The following ANXA8L1 variants were observed in gnomAD, a reference collection of about 807,000 sequenced individuals.
The protein encoded by ANXA8L1 is annexin A8 like 1, also known as annexin A8-like protein 1.
In ANXA8L1, 10 loss-of-function variants were observed where a neutral mutation model predicts 22.5. That is an observed-to-expected ratio of 0.44 (90% confidence interval 0.27 to 0.75). ANXA8L1 has a LOEUF of 0.75. Among genes scored for constraint, ANXA8L1 ranks in the 30% least tolerant of loss-of-function variants. The pLI is 0.15. For synonymous variants in ANXA8L1, 36 were observed against 86.0 expected, an observed-to-expected ratio of 0.42 and a Z score of 3.22; for missense variants, 88 against 219.6, an observed-to-expected ratio of 0.40 and a Z score of 3.79.
chr10:46,388,715 TG>T (rs1840040735), intron 11 of ANXA8L1, among the ~76,000 whole-genome samples, 200 bp downstream of exon 11: 1 of 137,218 alleles, frequency 7.3e-6, no homozygotes, highest in African/African-American at 2.7e-5. Context: ...AGAGGGGAGA[TG>T]CAGAGACCAG....
At chr10:46,377,232 G>A (rs1407239747) in intron 1 of ANXA8L1, among the ~76,000 whole-genome samples, 3 of 105,506 alleles carry the variant, frequency 2.8e-5, no homozygotes, top group African/African-American at 1.0e-4. Context: ...AGGCAGTCTG[G>A]CACTGGGCCT....
Position 46,376,005 on chromosome 10 carries a change from G to C in ANXA8L1, c.21+133G>C. The C allele has an allele frequency of 9.2e-6, 11 of 1,200,482 alleles. No homozygotes were observed. The South Asian group carries it at 1.3e-4, about 14-fold the overall frequency. The allele number at this position is 1,200,482 out of a possible 1,614,324, so 74.4% of individuals were successfully genotyped here. A position where few individuals can be genotyped will look rare whatever the true frequency, so the allele number is the denominator to read the frequency against. On this transcript the variant is annotated intron_variant, in intron 1 of 11. Coordinates refer to ENST00000619162, the MANE Select transcript of ANXA8L1 (RefSeq NM_001098845.3). Reference sequence around the variant, plus strand: ...TACATTTGGCTGCCTCCTGGGCCAAGCATGGAGGGTGGGAAGGGGCCGAGA... The same window carrying C: ...TACATTTGGCTGCCTCCTGGGCCAACCATGGAGGGTGGGAAGGGGCCGAGA...
rs1162503327 is a variant in ANXA8L1 at position 46,382,712 on chromosome 10, A to AG, written c.321+24dup. 4.1e-6 allele frequency: 5 copies of AG among 1,209,726 alleles called. 1 individual carries two copies. The African/African-American group carries it at 1.3e-4, about 31-fold the overall frequency. 74.9% of individuals were successfully genotyped at this position (1,209,726 alleles called of 1,614,324 possible). A position where few individuals can be genotyped will look rare whatever the true frequency, so the allele number is the denominator to read the frequency against. On this transcript the variant is annotated intron_variant, in intron 4 of 11. Coordinates refer to ENST00000619162, the MANE Select transcript of ANXA8L1 (RefSeq NM_001098845.3). ...ATGAAGGTAACCAGGCAGACAGGGC[A>AG]GGGGAGTGGCAGGGGTGCTCACATG... is the stretch of plus-strand genomic sequence containing the variant.
At chr10:46,378,942 A>G in intron 1 of ANXA8L1, among the ~76,000 whole-genome samples, 1 of 143,388 alleles carries the variant, frequency 7.0e-6, no homozygotes, top group Admixed American at 6.8e-5. Flanking sequence ...GGGTGGGTGG[A>G]TGGATGGATG....
At chr10:46,384,600 C>T (rs1358463419) in intron 6 of ANXA8L1, among the ~76,000 whole-genome samples, 174 bp from the exon 7 acceptor site, 4 of 121,628 alleles carry the variant, frequency 3.3e-5, no homozygotes, top group African/African-American at 1.0e-4. Flanking sequence ...GTCCTTACCA[C>T]CCCCGTTGTA....
chr10:46,385,075 C>T (rs1406451076), intron 7 of ANXA8L1, among the ~76,000 whole-genome samples: 8 of 105,076 alleles, frequency 7.6e-5, no homozygotes, highest in Non-Finnish European at 1.4e-4. Context: ...CCCATGAACC[C>T]GGGGGCGCTA....
At chr10:46,390,071 A>G (rs1410316567) in intron 11 of ANXA8L1, among the ~76,000 whole-genome samples, 1 of 148,824 alleles carries the variant, frequency 6.7e-6, no homozygotes, top group Non-Finnish European at 1.5e-5. Flanking sequence ...GAATGAATTC[A>G]CTCCCCTCTC....
At chr10:46,390,836 A>G in intron 11 of ANXA8L1, 35 bp from the exon 12 acceptor site, 1 of 1,101,504 alleles carries the variant, frequency 9.1e-7, no homozygotes, top group Non-Finnish European at 1.2e-6. Context: ...GCACAAACAA[A>G]CCCCTTCTCA....
intron 1 of ANXA8L1, among the ~76,000 whole-genome samples, chr10:46,378,824 A>G (rs1839961437): frequency 9.4e-6 from 1 of 106,666 alleles, no homozygotes; most frequent in Middle Eastern, 4.1e-3. Context: ...AGATACTTAC[A>G]GATATACCAT....
chr10:46,390,311 T>G (rs1840065845), intron 11 of ANXA8L1, among the ~76,000 whole-genome samples: 1 of 148,228 alleles, frequency 6.7e-6, no homozygotes, highest in South Asian at 2.1e-4. Flanking sequence ...TTCCTCCTGC[T>G]GTACCCTCAC....
In ANXA8L1 at chr10:46,385,828, G is replaced by A. The variant is rs1158836205; in HGVS notation, c.742+21G>A. The A allele has an allele frequency of 1.8e-3, 513 of 280,294 alleles. 23 individuals are homozygous for A. Among genetic ancestry groups the A allele is most frequent in the East Asian group, 0.013 (392 of 30,012 alleles). 17.4% of individuals were successfully genotyped at this position (280,294 alleles called of 1,614,324 possible). A position where few individuals can be genotyped will look rare whatever the true frequency, so the allele number is the denominator to read the frequency against. On this transcript the variant is annotated intron_variant, in intron 9 of 11. Coordinates refer to ENST00000619162, the MANE Select transcript of ANXA8L1 (RefSeq NM_001098845.3). ...TGTGGGTAAGAGCTCAGACTTGCACGTTTTTCAGGCCACAGGGCTCACCGT... is the reference window on the plus strand; with the variant it reads ...TGTGGGTAAGAGCTCAGACTTGCACATTTTTCAGGCCACAGGGCTCACCGT...
chr10:46,377,807 G>A (rs1839947086), intron 1 of ANXA8L1, among the ~76,000 whole-genome samples: 1 of 122,428 alleles, frequency 8.2e-6, no homozygotes, highest in African/African-American at 3.4e-5. Context: ...CACGTAGCAG[G>A]GGAAGGCCAA....
intron 11 of ANXA8L1, among the ~76,000 whole-genome samples, chr10:46,390,187 C>T (rs1554975381): frequency 6.6e-6 from 1 of 150,874 alleles, no homozygotes; most frequent in Non-Finnish European, 1.5e-5. Context: ...CCATCAGGAC[C>T]TACCAGTATC....
chr10:46,389,742 C>T (rs1409837445), intron 11 of ANXA8L1, among the ~76,000 whole-genome samples: 5 of 151,474 alleles, frequency 3.3e-5, no homozygotes, highest in Admixed American at 1.3e-4. Flanking sequence ...AATCACCAGG[C>T]GTAGTGGCCC....
chr10:46,390,403 G>A (rs1283205278), intron 11 of ANXA8L1, among the ~76,000 whole-genome samples: 6 of 120,194 alleles, frequency 5.0e-5, no homozygotes, highest in African/African-American at 7.2e-5. Flanking sequence ...GGCTTGCCTC[G>A]GCCACACCGT....
chr10:46,376,188 T>G (rs2133004497), intron 1 of ANXA8L1, among the ~76,000 whole-genome samples: 1 of 129,554 alleles, frequency 7.7e-6, no homozygotes, highest in South Asian at 2.7e-4. Context: ...AAGGAGGGGG[T>G]ATCATGGTTG....
chr10:46,381,060 A>G, intron 2 of ANXA8L1, 86 bp from the exon 3 acceptor site: 2 of 387,748 alleles, frequency 5.2e-6, no homozygotes, highest in Non-Finnish European at 8.5e-6. Context: ...TCAGCCACCA[A>G]GCAGCTGCCT....
Position 46,377,714 on chromosome 10 carries a change from C to T in ANXA8L1, c.21+1842C>T, listed in dbSNP as rs1329284923. Among the ~76,000 whole-genome samples the T allele has an allele frequency of 2.3e-3, 241 of 106,426 alleles. 21 individuals are homozygous for T. Among genetic ancestry groups the T allele is most frequent in the African/African-American group, 8.9e-3 (215 of 24,120 alleles). 69.8% of individuals were successfully genotyped at this position (106,426 alleles called of 152,430 possible). ...AGAGAGATCTGTCTGCAGGCAGGGC[C>T]CATCTGCACCTCTCTTTTTGGTGTT... On this transcript the variant is annotated intron_variant, in intron 1 of 11. Coordinates refer to ENST00000619162, the MANE Select transcript of ANXA8L1 (RefSeq NM_001098845.3).
At position 46,384,827 on chromosome 10, in the gene ANXA8L1, C is replaced by T. The variant is rs1325400874; in HGVS notation, c.546C>T (p.Asp182=). 1.8e-4 allele frequency: 296 copies of T among 1,613,002 alleles called. 1 individual carries two copies. Among genetic ancestry groups the T allele is most frequent in the African/African-American group, 6.9e-4 (51 of 74,298 alleles). The change falls in exon 7 of 12, where the codon GAC becomes GAT. Residue 182 remains aspartate (D), a synonymous_variant. Transcript: ENST00000619162. ...SFVDPALALQ[D]AQDLYAAGEK... The stretch of plus-strand genomic sequence containing the variant: ...TGGACCCGGCACTGGCCCTCCAAGA[C>T]GCACAGGTGAGGCTGCGCCCAGCCG...
Sources: gnomAD v4.1 joint callset for allele counts (sites outside exome capture counted in the v4.1 genomes callset) on GRCh38, gnomAD v4.1.1 for gene constraint, MANE v1.5 for transcripts, NCBI Gene and HGNC (gene_info 2026-07-23, HGNC 2026-07-21) for gene names.